NCAM1: variants seen among roughly 807,000 people sequenced by gnomAD.
The protein encoded by NCAM1 is antigen recognized by monoclonal antibody 5.1H11.
In NCAM1, 14 loss-of-function variants were observed where a neutral mutation model predicts 109.8. That is an observed-to-expected ratio of 0.13 (90% CI 0.08 to 0.20). The LOEUF (loss-of-function observed/expected upper bound fraction) is 0.20, where lower values mean the gene tolerates loss of function less well. Ranked by LOEUF, NCAM1 falls within the 10% of genes least tolerant of loss-of-function variation. NCAM1 has a pLI of 1.00. For synonymous variants in NCAM1, 418 were observed against 442.9 expected, an observed-to-expected ratio of 0.94 and a Z score of 0.70; for missense variants, 774 against 1,109.9, an observed-to-expected ratio of 0.70 and a Z score of 4.30.
chr11:113,078,127 G>A (rs1316527337), intron 1 of NCAM1, among the ~76,000 whole-genome samples: 5 of 152,176 alleles, frequency 3.3e-5, no homozygotes, highest in African/African-American at 1.2e-4. Flanking sequence ...CTAAAATCAA[G>A]TGTCGGCAGG....
At chr11:113,160,195 C>T (rs1333618343) in intron 1 of NCAM1, among the ~76,000 whole-genome samples, 2 of 152,124 alleles carry the variant, frequency 1.3e-5, no homozygotes, top group African/African-American at 4.8e-5. Context: ...GCTGAGCTTC[C>T]TAGGGCAGTC....
rs539372004 is a variant in NCAM1, at chr11:113,086,430, C to T, written c.53-115949C>T. Among the ~76,000 whole-genome samples the T allele has an allele frequency of 8.5e-5, 13 of 152,316 alleles. No individual in the cohort carries two copies. In the East Asian group the frequency reaches 2.5e-3, roughly 29 times the overall value. On this transcript the variant is annotated intron_variant, in intron 1 of 19. Transcript: ENST00000316851. ...CAACGAATCTGTCTTCTTAAATACACTTTTCATTGATCGGTGGACATATAT... is the reference window on the plus strand; with the variant it reads ...CAACGAATCTGTCTTCTTAAATACATTTTTCATTGATCGGTGGACATATAT...
At chr11:113,010,640 A>C (rs757768099) in intron 1 of NCAM1, among the ~76,000 whole-genome samples, 36 of 152,096 alleles carry the variant, frequency 2.4e-4, no homozygotes, top group Non-Finnish European at 4.6e-4. Flanking sequence ...CCTGCTCTCT[A>C]TTTTTCTTTT....
At chr11:113,101,651 A>G (rs1450870604) in intron 1 of NCAM1, among the ~76,000 whole-genome samples, 2 of 152,228 alleles carry the variant, frequency 1.3e-5, no homozygotes, top group African/African-American at 4.8e-5. Flanking sequence ...AAGAAGTAAG[A>G]TTCTTCAGAA....
chr11:113,110,378 G>A (rs1940391576), intron 1 of NCAM1, among the ~76,000 whole-genome samples: 1 of 152,170 alleles, frequency 6.6e-6, no homozygotes, highest in African/African-American at 2.4e-5. Context: ...GAACATCTAT[G>A]ATTGCTTGGC....
chr11:113,111,036 A>G (rs913844828), intron 1 of NCAM1, among the ~76,000 whole-genome samples: 8 of 152,236 alleles, frequency 5.3e-5, no homozygotes, highest in Non-Finnish European at 1.0e-4. Context: ...ATATGAGGAC[A>G]TCGAATCTAA....
In NCAM1 at chr11:113,263,553, G is replaced by A. The variant is rs1438203235; in HGVS notation, c.2131+3230G>A. On this transcript the variant is annotated intron_variant, in intron 17 of 19. Coordinates refer to ENST00000316851, the MANE Select transcript of NCAM1 (RefSeq NM_181351.5). ...TGGATATTTTCTGGGGCTGATGAAC[G>A]TTCTGGGATGTGCTTTCAGTCCTCG... The A allele has an allele frequency of 1.9e-5, 19 of 985,608 alleles. No individual in the cohort carries two copies. The South Asian group carries it at 2.3e-4, about 12-fold the overall frequency. 61.1% of individuals were successfully genotyped at this position (985,608 alleles called of 1,614,324 possible). A position where few individuals can be genotyped will look rare whatever the true frequency, so the allele number is the denominator to read the frequency against.
chr11:113,224,935 G>A (rs1207731316), intron 9 of NCAM1, among the ~76,000 whole-genome samples: 5 of 152,194 alleles, frequency 3.3e-5, no homozygotes, highest in Non-Finnish European at 7.3e-5. Context: ...CCATCTGCAT[G>A]TCACCATCAT....
chr11:113,062,345 A>C (rs1937704755), intron 1 of NCAM1, among the ~76,000 whole-genome samples: 1 of 152,156 alleles, frequency 6.6e-6, no homozygotes, highest in South Asian at 2.1e-4. Context: ...GGAATCAGGC[A>C]ATCTGTGACC....
intron 1 of NCAM1, among the ~76,000 whole-genome samples, chr11:112,990,381 G>T (rs907073369): frequency 6.6e-6 from 1 of 152,142 alleles, no homozygotes; most frequent in Non-Finnish European, 1.5e-5. Flanking sequence ...GTGCTACCTG[G>T]AAGACTCAGG....
rs1270059484 is a variant in NCAM1 at position 112,979,940 on chromosome 11, GA to G, written c.52+18280del. On this transcript the variant is annotated intron_variant, in intron 1 of 19. Coordinates refer to ENST00000316851, the MANE Select transcript of NCAM1 (RefSeq NM_181351.5). ...CACCACTTGATCACCTTTAAATTCAGAAAACACACTTGACAAAATGCGACAC... is the reference window on the plus strand; with the variant it reads ...CACCACTTGATCACCTTTAAATTCAGAAACACACTTGACAAAATGCGACAC... Among the ~76,000 whole-genome samples, 8 of 151,758 alleles carry G rather than the reference GA, an allele frequency of 5.3e-5. No homozygotes were observed. The East Asian group carries it at 1.6e-3, about 29-fold the overall frequency.
Position 113,192,704 on chromosome 11 carries a change from T to C in NCAM1, c.53-9675T>C, listed in dbSNP as rs562879254. On this transcript the variant is annotated intron_variant, in intron 1 of 19. Coordinates refer to ENST00000316851, the MANE Select transcript of NCAM1 (RefSeq NM_181351.5). ...AAAAGAAAATGAGACACAGAAGCAA[T>C]AGAAAGCCCTGGGTCAAGTGTCAGG... Among the ~76,000 whole-genome samples, 6 of 152,248 alleles carry C rather than the reference T, an allele frequency of 3.9e-5. No individual in the cohort carries two copies. The South Asian group carries it at 6.2e-4, about 16-fold the overall frequency.
At chr11:112,998,404 AC>A (rs1273964642) in intron 1 of NCAM1, among the ~76,000 whole-genome samples, 1 of 152,038 alleles carries the variant, frequency 6.6e-6, no homozygotes, top group African/African-American at 2.4e-5. Context: ...AGTTAATCTG[AC>A]TTTTATATTC....
At chr11:113,231,373 A>G in intron 9 of NCAM1, 1 of 1,368,032 alleles carries the variant, frequency 7.3e-7, no homozygotes, top group Non-Finnish European at 1.0e-6. Context: ...CCTAGCCCCA[A>G]ACCAATCTTG....
intron 1 of NCAM1, among the ~76,000 whole-genome samples, chr11:113,055,840 C>T (rs1953677132): frequency 6.6e-6 from 1 of 151,328 alleles, no homozygotes; most frequent in South Asian, 2.1e-4. Flanking sequence ...CCACTGCTGG[C>T]TATATACACA....
chr11:113,237,499 T>A (rs1200045264), intron 14 of NCAM1, among the ~76,000 whole-genome samples: 1 of 152,090 alleles, frequency 6.6e-6, no homozygotes, highest in African/African-American at 2.4e-5. Context: ...GGCATCAGAG[T>A]TGGGGGATGG....
intron 19 of NCAM1, 48 bp from the exon 20 acceptor site, chr11:113,275,219 G>A: frequency 6.2e-6 from 10 of 1,609,738 alleles, no homozygotes; most frequent in Non-Finnish European, 8.5e-6. Context: ...GGGGCGAGAT[G>A]TCTGCAGACC....
intron 8 of NCAM1, among the ~76,000 whole-genome samples, 198 bp downstream of exon 8, chr11:113,214,709 T>C (rs574751969): frequency 6.6e-6 from 1 of 152,254 alleles, no homozygotes; most frequent in African/African-American, 2.4e-5. Flanking sequence ...ATAGGCACAA[T>C]TCCTTGGATA....
At chr11:113,198,830 A>T (rs1436693751) in intron 1 of NCAM1, among the ~76,000 whole-genome samples, 3 of 152,204 alleles carry the variant, frequency 2.0e-5, no homozygotes, top group Admixed American at 1.3e-4. Flanking sequence ...GTGCTCATTA[A>T]CTAAGGGACC....
Sources: gnomAD v4.1 joint callset for allele counts (sites outside exome capture counted in the v4.1 genomes callset) on GRCh38, gnomAD v4.1.1 for gene constraint, MANE v1.5 for transcripts, NCBI Gene and HGNC (gene_info 2026-07-23, HGNC 2026-07-21) for gene names.